The following LARP1 variants were observed in gnomAD, a reference collection of about 807,000 sequenced individuals.
The protein encoded by LARP1 is La ribonucleoprotein 1, translational regulator.
In LARP1, 36 loss-of-function variants were observed where a neutral mutation model predicts 122.7. The observed-to-expected ratio is 0.29, with a 90% CI of 0.22 to 0.39. The LOEUF (loss-of-function observed/expected upper bound fraction) is 0.39. Ranked by LOEUF, LARP1 falls within the 10% of genes least tolerant of loss-of-function variation. The pLI, the probability that LARP1 is intolerant of heterozygous loss-of-function variation, is 1.00. For synonymous variants in LARP1, 539 were observed against 528.7 expected (o/e 1.02, Z -0.27); for missense variants, 1,040 against 1,403.6 (o/e 0.74, Z 4.14).
intron 1 of LARP1, among the ~76,000 whole-genome samples, chr5:154,789,845 A>C (rs1757199763): frequency 6.6e-6 from 1 of 152,110 alleles, no homozygotes; most frequent in African/African-American, 2.4e-5. Flanking sequence ...AGATTTTTTG[A>C]TGGCTCACTT....
chr5:154,687,096 A>T (rs1753973150), intron 1 of LARP1, among the ~76,000 whole-genome samples: 1 of 152,234 alleles, frequency 6.6e-6, no homozygotes, highest in African/African-American at 2.4e-5. Flanking sequence ...CAAAAGGCTA[A>T]ATTTTAGTCT....
Position 154,817,097 on chromosome 5 carries a change from TGAG to T in LARP1, c.*3009_*3011del, listed in dbSNP as rs1438116571. ...TGCTTAGAAGGCCCTGGAAGGGAAG[TGAG>T]GAGGAGGGACAAGGAAGATGACTAG... On this transcript the variant is annotated 3_prime_UTR_variant, in exon 19 of 19. Coordinates refer to ENST00000518297, the MANE Select transcript of LARP1 (RefSeq NM_033551.3). 2 of 146,504 alleles carry T rather than the reference TGAG, an allele frequency of 1.4e-5. No individual in the cohort carries two copies. The highest frequency in any genetic ancestry group is 2.5e-5 in the African/African-American group (1 of 39,258). 9.1% of individuals were successfully genotyped at this position (146,504 alleles called of 1,614,324 possible).
intron 1 of LARP1, chr5:154,757,246 C>T (rs573941819): frequency 7.2e-4 from 109 of 152,054 alleles, no homozygotes; most frequent in Non-Finnish European, 1.4e-3. Flanking sequence ...CCTCTCCCTC[C>T]TCCGCGTTTT....
At chr5:154,751,966 A>T (rs1744472417), upstream of LARP1, among the ~76,000 whole-genome samples, 1 of 152,004 alleles carries the variant, frequency 6.6e-6, no homozygotes, top group South Asian at 2.1e-4. Context: ...CAATTCCATC[A>T]TTTTTTTATT....
intron 1 of LARP1, among the ~76,000 whole-genome samples, chr5:154,743,286 A>G (rs890660627): frequency 6.6e-6 from 1 of 151,626 alleles, no homozygotes; most frequent in Non-Finnish European, 1.5e-5. Context: ...ATTAACCGCA[A>G]GGGCTATAGT....
chr5:154,804,960 A>AT, intron 14 of LARP1: 1 of 455,480 alleles, frequency 2.2e-6, no homozygotes, highest in Non-Finnish European at 4.4e-6. Flanking sequence ...ACAGTTGAAA[A>AT]TCCGTGTATA....
At chr5:154,808,694 T>C (rs1272758664) in intron 16 of LARP1, 91 bp downstream of exon 16, 2 of 1,335,534 alleles carry the variant, frequency 1.5e-6, no homozygotes, top group African/African-American at 3.0e-5. Flanking sequence ...AGTTGGAAAT[T>C]CCTTGCATGT....
chr5:154,793,902 G>T lies in LARP1; in HGVS notation c.971G>T (p.Ser324Ile). ...TGGCACGACCAGGATGAGACATCGA[G>T]TGTGAAGAGTGATGGGGCTGGTGGG... ...PAWHDQDETS[S>I]VKSDGAGGAR... The change falls in exon 6 of 19, where the codon AGT becomes ATT. Residue 324 changes from serine to isoleucine, a missense_variant. By Grantham distance (142) the Ser-to-Ile change is moderately radical. Coordinates refer to ENST00000518297, the MANE Select transcript of LARP1 (RefSeq NM_033551.3). The T allele has an allele frequency of 1.9e-6, 3 of 1,614,168 alleles. No homozygotes were observed. The highest frequency in any genetic ancestry group is 2.5e-6 in the Non-Finnish European group (3 of 1,180,012).
At chr5:154,728,490 T>A (rs900701466) in intron 1 of LARP1, among the ~76,000 whole-genome samples, 24 of 152,182 alleles carry the variant, frequency 1.6e-4, no homozygotes, top group Admixed American at 1.6e-3. Context: ...GTTTTCGGTA[T>A]TCACCCTTTT....
intron 1 of LARP1, among the ~76,000 whole-genome samples, chr5:154,733,964 G>A (rs958884427): frequency 3.6e-4 from 55 of 151,898 alleles, no homozygotes; most frequent in African/African-American, 1.3e-3. Flanking sequence ...TCGGGAGATC[G>A]AGACCATCCT....
intron 1 of LARP1, among the ~76,000 whole-genome samples, chr5:154,722,944 G>A (rs1755971960): frequency 6.6e-6 from 1 of 152,178 alleles, no homozygotes; most frequent in Admixed American, 6.5e-5. Context: ...GCCTCCCAGA[G>A]TGCTGGGATT....
At chr5:154,692,994 T>TA (rs70981936) in intron 1 of LARP1, among the ~76,000 whole-genome samples, 18,593 of 149,998 alleles carry the variant, frequency 0.12, 1,335 homozygotes, top group East Asian at 0.32. Flanking sequence ...TTTAATTATT[T>TA]TTTTTTTTTT....
intron 1 of LARP1, among the ~76,000 whole-genome samples, chr5:154,778,752 T>C (rs1756138606): frequency 6.6e-6 from 1 of 152,208 alleles, no homozygotes; most frequent in Non-Finnish European, 1.5e-5. Flanking sequence ...GTCTCTTGAC[T>C]TCTAGCCCAG....
At position 154,817,572 on chromosome 5, in the gene LARP1, A is replaced by T. The variant is rs1341185855; in HGVS notation, c.*3476A>T. 1.3e-5 allele frequency: 2 copies of T among 152,778 alleles called. No individual in the cohort carries two copies. Among genetic ancestry groups the T allele is most frequent in the Admixed American group, 1.3e-4 (2 of 15,298 alleles). The allele number at this position is 152,778 out of a possible 1,614,324, so 9.5% of individuals were successfully genotyped here. ...TTATGCTTTTCTTTTTAATACAAAA[A>T]AATGTATAAAAATAAACACTTGAAA... On this transcript the variant is annotated 3_prime_UTR_variant, in exon 19 of 19. Transcript: ENST00000518297.
intron 4 of LARP1, 36 bp from the exon 5 acceptor site, chr5:154,793,559 C>T (rs1280587039): frequency 6.2e-7 from 1 of 1,613,844 alleles, no homozygotes; most frequent in Non-Finnish European, 8.5e-7. Context: ...TGGCCTCTCC[C>T]TCAAGCCTTT....
chr5:154,774,212 G>T (rs774934476), intron 1 of LARP1, among the ~76,000 whole-genome samples: 1 of 152,222 alleles, frequency 6.6e-6, no homozygotes, highest in Non-Finnish European at 1.5e-5. Flanking sequence ...GCCCTCAGAT[G>T]AAAGGGACCA....
intron 8 of LARP1, among the ~76,000 whole-genome samples, chr5:154,798,355 C>A (rs1371984374): frequency 6.6e-6 from 1 of 152,216 alleles, no homozygotes; most frequent in Non-Finnish European, 1.5e-5. Flanking sequence ...ATATACAACA[C>A]ATGGCATTTC....
Position 154,794,271 on chromosome 5 carries a change from G to A in LARP1, c.1232+9G>A. 2 of 1,612,916 alleles carry A rather than the reference G, an allele frequency of 1.2e-6. No individual in the cohort carries two copies. The highest frequency in any genetic ancestry group is 1.7e-6 in the Non-Finnish European group (2 of 1,178,940). ...TACATCAAGCGCCAGATGTGAGTGT[G>A]CGGAAGCCTTCTTACCCTGGAGAAA... On this transcript the variant is annotated intron_variant, in intron 7 of 18. Coordinates refer to ENST00000518297, the MANE Select transcript of LARP1 (RefSeq NM_033551.3).
chr5:154,695,617 A>G (rs1214257681), intron 1 of LARP1, among the ~76,000 whole-genome samples: 1 of 151,882 alleles, frequency 6.6e-6, no homozygotes, highest in Non-Finnish European at 1.5e-5. Context: ...AGATCGTGCC[A>G]CTGCATTCCG....
Sources: gnomAD v4.1 joint callset for allele counts (sites outside exome capture counted in the v4.1 genomes callset) on GRCh38, gnomAD v4.1.1 for gene constraint, MANE v1.5 for transcripts, NCBI Gene and HGNC (gene_info 2026-07-23, HGNC 2026-07-21) for gene names.